Variants in ANXA5 observed in about 807,000 individuals in gnomAD.
ANXA5 encodes annexin A5.
In ANXA5, 40 loss-of-function variants were observed where a neutral mutation model predicts 48.1. The ratio of observed to expected loss-of-function variants is 0.83; its 90% CI spans 0.65 to 1.08. The LOEUF is 1.08. ANXA5 is among the 50% of genes least tolerant of loss of function. ANXA5 has a pLI of 0.00. For missense variants in ANXA5, 357 were observed against 376.8 expected, an observed-to-expected ratio of 0.95 and a Z score of 0.44; for synonymous variants, 113 against 129.1, an observed-to-expected ratio of 0.88 and a Z score of 0.85.
chr4:121,692,409 C>G (rs1174274280), intron 2 of ANXA5, among the ~76,000 whole-genome samples: 1 of 152,252 alleles, frequency 6.6e-6, no homozygotes, highest in Non-Finnish European at 1.5e-5. Flanking sequence ...TCAAGTTGCC[C>G]AAGAATAACT....
intron 6 of ANXA5, 128 bp from the exon 7 acceptor site, chr4:121,678,622 A>G (rs1724740786): frequency 2.5e-6 from 2 of 787,826 alleles, no homozygotes; most frequent in Non-Finnish European, 4.0e-6. Context: ...AATTCCCTCT[A>G]TTCCATCTCT....
At chr4:121,685,237 A>C (rs1443887529) in intron 3 of ANXA5, among the ~76,000 whole-genome samples, 3 of 152,242 alleles carry the variant, frequency 2.0e-5, no homozygotes, top group Middle Eastern at 6.8e-3. Flanking sequence ...CTTTTAAAAA[A>C]CTTAGGGCAC....
Position 121,678,439 on chromosome 4 carries a change from C to T in ANXA5, c.450G>A (p.Gln150=), listed in dbSNP as rs1204536784. The change falls in exon 7 of 13, where the codon CAG becomes CAA. Residue 150 remains glutamine, a synonymous_variant. Coordinates refer to ENST00000296511, the MANE Select transcript of ANXA5 (RefSeq NM_001154.4). ...DVVGDTSGYY[Q]RMLVVLLQAN... is the part of the protein sequence containing the mutation. ...CCTGAAGGAGAACCACCAACATCCG[C>T]TGGTAGTACCCTGAAGTGTCCCCCA... 6.2e-7 allele frequency: 1 copy of T among 1,613,692 alleles called. No individual in the cohort carries two copies. The highest frequency in any genetic ancestry group is 1.7e-5 in the Admixed American group (1 of 59,994).
At position 121,677,024 on chromosome 4, in the gene ANXA5, C is replaced by A. The variant is rs1578442007; in HGVS notation, c.531+870G>T. On this transcript the variant is annotated intron_variant, in intron 8 of 12. Transcript: ENST00000296511. Reference sequence around the variant, plus strand: ...AGTTCTTTTTTTCTCTCCAGCTAGACAGAGATGACAGCATTCTGAAACCAT... The same window carrying A: ...AGTTCTTTTTTTCTCTCCAGCTAGAAAGAGATGACAGCATTCTGAAACCAT... Among the ~76,000 whole-genome samples, 3 of 152,256 alleles carry A rather than the reference C, an allele frequency of 2.0e-5. No individual in the cohort carries two copies. The East Asian group carries it at 5.8e-4, about 29-fold the overall frequency.
rs1287668029 is a variant in ANXA5, at chr4:121,686,367, G to A, written c.15C>T (p.Leu5=). MAQV[L]RGTVTDFPGF... is the part of the protein sequence containing the mutation. ...CAGGGAAGTCAGTCACAGTGCCTCT[G>A]AGAACCTAATTCACGAAACACAGTG... The change falls in exon 3 of 13, where the codon CTC becomes CTT. Residue 5 remains leucine (L), a synonymous_variant. Coordinates refer to ENST00000296511, the MANE Select transcript of ANXA5 (RefSeq NM_001154.4). The A allele has an allele frequency of 6.2e-7, 1 of 1,613,386 alleles. No individual in the cohort carries two copies. The highest frequency in any genetic ancestry group is 2.2e-5 in the East Asian group (1 of 44,882).
chr4:121,673,146 C>A (rs145434780), intron 8 of ANXA5, among the ~76,000 whole-genome samples: 2,048 of 152,226 alleles, frequency 0.013, 23 homozygotes, highest in Middle Eastern at 0.02. Context: ...CCAAAGATCA[C>A]AATAAATTTT....
At chr4:121,684,414 AAAG>A (rs1043648671) in intron 4 of ANXA5, among the ~76,000 whole-genome samples, 10 of 152,330 alleles carry the variant, frequency 6.6e-5, no homozygotes, top group Admixed American at 2.6e-4. Context: ...ACACAGAGGA[AAAG>A]AAGAGAGACA....
At position 121,668,526 on chromosome 4, in the gene ANXA5, C is replaced by G. The variant is rs755863340; in HGVS notation, c.905G>C (p.Gly302Ala). 2 of 1,613,186 alleles carry G rather than the reference C, an allele frequency of 1.2e-6. No individual in the cohort carries two copies. Among genetic ancestry groups the G allele is most frequent in the Non-Finnish European group, 1.7e-6 (2 of 1,179,366 alleles). The change falls in exon 13 of 13, where the codon GGA becomes GCA. Residue 302 changes from glycine (G) to alanine (A), a missense_variant and splice_region_variant. Transcript: ENST00000296511. Reference sequence around the variant, plus strand: ...TTTCTTATAGTCCCCAGATGTATCTCCCTGAAACCAAATGTATTCCATTAA... The same window carrying G: ...TTTCTTATAGTCCCCAGATGTATCTGCCTGAAACCAAATGTATTCCATTAA... Reference protein sequence around the residue: ...FATSLYSMIKGDTSGDYKKAL... With the variant: ...FATSLYSMIKADTSGDYKKAL...
intron 1 of ANXA5, 21 bp downstream of exon 1, chr4:121,696,842 C>A (rs533223702): frequency 1.1e-5 from 4 of 355,386 alleles, no homozygotes; most frequent in African/African-American, 8.4e-5. Context: ...GGAGCCCCCT[C>A]CCCGGGCTGC....
Position 121,669,576 on chromosome 4 carries a change from C to T in ANXA5, c.903+26G>A, listed in dbSNP as rs148456064. ...TACCAGTCTGCTTTGGATTCCCAAA[C>T]GTAATTTAAAGAAAGGTTCTACTAC... On this transcript the variant is annotated intron_variant, in intron 12 of 12. Transcript: ENST00000296511. 2.9e-3 allele frequency: 4,642 copies of T among 1,612,168 alleles called. 14 individuals carry two copies. Among genetic ancestry groups the T allele is most frequent in the Non-Finnish European group, 3.5e-3 (4,154 of 1,179,064 alleles).
chr4:121,680,253 CTG>C (rs1292792184), intron 6 of ANXA5, among the ~76,000 whole-genome samples: 2 of 151,708 alleles, frequency 1.3e-5, no homozygotes, highest in South Asian at 2.1e-4. Flanking sequence ...AACAGTACTC[CTG>C]TGTGTGTGTG....
intron 2 of ANXA5, among the ~76,000 whole-genome samples, chr4:121,694,096 T>C (rs1578450812): frequency 4.6e-5 from 1 of 21,888 alleles, no homozygotes; most frequent in Non-Finnish European, 8.4e-5. Flanking sequence ...CGGGGCCTAT[T>C]GTGGGCGGGG....
chr4:121,669,628 C>G lies in ANXA5; in HGVS notation c.877G>C (p.Ala293Pro). Residue 293 changes from alanine (A) to proline (P), a missense_variant, in exon 12 of 13, where the codon GCC (alanine) becomes CCC (proline). Transcript: ENST00000296511. ...TTAATCATGGAATAAAGAGAGGTGG[C>G]AAAATTCTTCCTAAACTCCTTCCTG... is the stretch of plus-strand genomic sequence containing the variant. ...NIRKEFRKNF[A>P]TSLYSMIKGD... The G allele has an allele frequency of 4.3e-6, 7 of 1,612,882 alleles. No individual in the cohort carries two copies. The highest frequency in any genetic ancestry group is 5.9e-6 in the Non-Finnish European group (7 of 1,179,596).
rs116402106 is a variant in ANXA5 at position 121,693,942 on chromosome 4, G to A, written c.9+2639C>T. Among the ~76,000 whole-genome samples, 627 of 152,106 alleles carry A rather than the reference G, an allele frequency of 4.1e-3. 1 individual carries two copies. Among genetic ancestry groups the A allele is most frequent in the Non-Finnish European group, 6.7e-3 (458 of 67,998 alleles). ...CATTTATCCTGCTTGCTCGGCACAG[G>A]GCTTTTTTAAATTATTATAATAATT... On this transcript the variant is annotated intron_variant, in intron 2 of 12. Transcript: ENST00000296511.
At position 121,678,408 on chromosome 4, in the gene ANXA5, G is replaced by A. The variant is rs571398297; in HGVS notation, c.474+7C>T. 1.6e-5 allele frequency: 25 copies of A among 1,610,272 alleles called. No individual in the cohort carries two copies. Among genetic ancestry groups the A allele is most frequent in the Middle Eastern group, 1.7e-4 (1 of 6,050 alleles). ...TAATCAAACTGTAATTAATCTCCAC[G>A]CAATACCTGAAGGAGAACCACCAAC... On this transcript the variant is annotated splice_region_variant and intron_variant, in intron 7 of 12. Transcript: ENST00000296511.
intron 2 of ANXA5, among the ~76,000 whole-genome samples, chr4:121,686,680 C>G (rs1724896678): frequency 6.6e-6 from 1 of 152,132 alleles, no homozygotes; most frequent in Non-Finnish European, 1.5e-5. Context: ...TGCAGGTTCC[C>G]TTCCCATTAA....
At chr4:121,688,001 G>T (rs537513610) in intron 2 of ANXA5, among the ~76,000 whole-genome samples, 1 of 152,260 alleles carries the variant, frequency 6.6e-6, no homozygotes, top group South Asian at 2.1e-4. Context: ...CCCACCACAT[G>T]ACGGTAAATA....
intron 2 of ANXA5, among the ~76,000 whole-genome samples, chr4:121,695,194 T>G (rs890782443): frequency 4.6e-5 from 7 of 152,236 alleles, no homozygotes; most frequent in Non-Finnish European, 5.9e-5. Context: ...CACATAAAAG[T>G]ATCCTTTCTA....
intron 8 of ANXA5, 79 bp downstream of exon 8, chr4:121,677,815 C>T (rs761978760): frequency 2.2e-5 from 27 of 1,212,212 alleles, no homozygotes; most frequent in Non-Finnish European, 2.9e-5. Flanking sequence ...TTACAACATA[C>T]ATTGTGATTT....
Sources: gnomAD v4.1 joint callset for allele counts (sites outside exome capture counted in the v4.1 genomes callset) on GRCh38, gnomAD v4.1.1 for gene constraint, MANE v1.5 for transcripts, NCBI Gene and HGNC (gene_info 2026-07-23, HGNC 2026-07-21) for gene names.